CALN1: variants seen among roughly 807,000 people sequenced by gnomAD.
CALN1 encodes the protein calneuron 1, also known as calcium-binding protein 8.
In CALN1, 17 loss-of-function variants were observed where a neutral mutation model predicts 30.6. The ratio of observed to expected loss-of-function variants is 0.56; its 90% CI spans 0.38 to 0.83. CALN1 has a LOEUF of 0.83. Ranked by LOEUF, CALN1 falls within the 40% of genes least tolerant of loss-of-function variation. The pLI is 0.00. For synonymous variants in CALN1, 156 were observed against 131.4 expected, an observed-to-expected ratio of 1.19 and a Z score of -1.28; for missense variants, 291 against 354.9, an observed-to-expected ratio of 0.82 and a Z score of 1.45.
chr7:72,483,288 T>C, the CALN1 span, among the ~76,000 whole-genome samples: 7,789 of 96,826 alleles, frequency 0.08, 698 homozygotes, highest in African/African-American at 0.21. Context: ...TTCTTTTTTT[T>C]TTTTTTTTTT....
At chr7:72,147,395 G>A (rs1011778955) in intron 3 of CALN1, among the ~76,000 whole-genome samples, 1 of 151,464 alleles carries the variant, frequency 6.6e-6, no homozygotes, top group Admixed American at 6.6e-5. Context: ...TCAGAGAAAT[G>A]CAAATCAAAA....
chr7:71,853,070 CTTA>C (rs1211279694), intron 5 of CALN1, among the ~76,000 whole-genome samples: 1 of 151,674 alleles, frequency 6.6e-6, no homozygotes, highest in East Asian at 1.9e-4. Context: ...AGTTTAAACA[CTTA>C]TTATTATTTG....
At chr7:72,426,001 A>T (rs1373661461) in intron 1 of CALN1, among the ~76,000 whole-genome samples, 1 of 152,242 alleles carries the variant, frequency 6.6e-6, no homozygotes, top group Admixed American at 6.5e-5. Context: ...CCTCAGGGCG[A>T]AGGTAAGCTG....
intron 4 of CALN1, among the ~76,000 whole-genome samples, chr7:72,054,406 T>TATATATATGTAC (rs1158178870): frequency 2.7e-5 from 1 of 37,428 alleles, no homozygotes; most frequent in Non-Finnish European, 4.5e-5. Context: ...TATGTACATA[T>TATATATATGTAC]ATATATATAT....
chr7:72,337,027 A>C (rs1802108432), intron 2 of CALN1: 1 of 984,080 alleles, frequency 1.0e-6, no homozygotes, highest in African/African-American at 1.8e-5. Context: ...TGTGCCCCGC[A>C]CCCCCTGCAC....
chr7:72,107,762 A>C (rs1325599454), intron 3 of CALN1, among the ~76,000 whole-genome samples: 1 of 152,228 alleles, frequency 6.6e-6, no homozygotes, highest in African/African-American at 2.4e-5. Context: ...AAAGTCAACT[A>C]GTATTGACTT....
intron 5 of CALN1, among the ~76,000 whole-genome samples, chr7:71,916,916 A>G (rs967141654): frequency 6.6e-6 from 1 of 152,172 alleles, no homozygotes; most frequent in African/African-American, 2.4e-5. Flanking sequence ...TGGTACCATC[A>G]TGTTGTCTGA....
At chr7:71,816,987 GTTTTGGAGA>G (rs1788302208) in intron 5 of CALN1, among the ~76,000 whole-genome samples, 1 of 151,900 alleles carries the variant, frequency 6.6e-6, no homozygotes, top group Admixed American at 6.6e-5. Context: ...AAAATCTATA[GTTTTGGAGA>G]TCTGGGTCAT....
chr7:72,212,040 A>G (rs1792433666), intron 3 of CALN1, among the ~76,000 whole-genome samples: 1 of 152,060 alleles, frequency 6.6e-6, no homozygotes, highest in Non-Finnish European at 1.5e-5. Flanking sequence ...ATTCAAATCC[A>G]TGTTTCCTTT....
At chr7:72,240,584 GATCA>G (rs1794763288) in intron 3 of CALN1, among the ~76,000 whole-genome samples, 1 of 152,214 alleles carries the variant, frequency 6.6e-6, no homozygotes, top group African/African-American at 2.4e-5. Context: ...CTGCTAGTTT[GATCA>G]ATCAACTGCT....
At chr7:72,313,218 G>C (rs1052631661) in intron 2 of CALN1, among the ~76,000 whole-genome samples, 2 of 152,076 alleles carry the variant, frequency 1.3e-5, no homozygotes, top group Non-Finnish European at 1.5e-5. Flanking sequence ...AAGATTTAGA[G>C]GTCAACCCAG....
At chr7:71,998,501 G>A (rs1799363092) in intron 5 of CALN1, among the ~76,000 whole-genome samples, 1 of 152,072 alleles carries the variant, frequency 6.6e-6, no homozygotes, top group Admixed American at 6.6e-5. Flanking sequence ...TCCACTTGAA[G>A]AGGCAAAATG....
At chr7:71,861,950 C>T (rs908080757) in intron 5 of CALN1, among the ~76,000 whole-genome samples, 2 of 152,142 alleles carry the variant, frequency 1.3e-5, no homozygotes, top group Non-Finnish European at 2.9e-5. Flanking sequence ...CCTTGACCAT[C>T]CAAGACAGGC....
chr7:71,793,569 T>C (rs1786705760), intron 6 of CALN1, among the ~76,000 whole-genome samples: 1 of 152,060 alleles, frequency 6.6e-6, no homozygotes, highest in African/African-American at 2.4e-5. Flanking sequence ...TAAAATGGGA[T>C]AATAAGATCT....
intron 5 of CALN1, among the ~76,000 whole-genome samples, chr7:71,895,829 A>G (rs747496882): frequency 2.1e-4 from 32 of 152,334 alleles, no homozygotes; most frequent in Middle Eastern, 3.4e-3. Flanking sequence ...GTAATGTGGA[A>G]CTATCACTTT....
intron 3 of CALN1, among the ~76,000 whole-genome samples, chr7:72,153,489 G>C (rs1027453543): frequency 6.6e-6 from 1 of 151,202 alleles, no homozygotes; most frequent in Non-Finnish European, 1.5e-5. Flanking sequence ...GTCCAGCCTG[G>C]GTAATATAAC....
chr7:71,991,103 T>C (rs910061972), intron 5 of CALN1, among the ~76,000 whole-genome samples: 1 of 151,984 alleles, frequency 6.6e-6, no homozygotes, highest in African/African-American at 2.4e-5. Context: ...TTCGATGTGT[T>C]GCACAGGAGA....
intron 2 of CALN1, among the ~76,000 whole-genome samples, chr7:72,358,048 A>G (rs1803346192): frequency 6.6e-6 from 1 of 151,532 alleles, no homozygotes; most frequent in Non-Finnish European, 1.5e-5. Flanking sequence ...CAGGAGTGCA[A>G]TGATGCAATC....
chr7:71,978,392 C>A (rs1459619336), intron 5 of CALN1, among the ~76,000 whole-genome samples: 1 of 150,886 alleles, frequency 6.6e-6, no homozygotes, highest in Non-Finnish European at 1.5e-5. Flanking sequence ...CTGCCTCAGC[C>A]TCCCAAGTAG....
Sources: allele counts gnomAD v4.1 joint callset (sites outside exome capture counted in the v4.1 genomes callset), GRCh38; gene constraint gnomAD v4.1.1; transcripts MANE v1.5; gene names NCBI Gene and HGNC (gene_info 2026-07-23, HGNC 2026-07-21).